The following ELP4 variants were observed in gnomAD, a reference collection of about 807,000 sequenced individuals.
ELP4 encodes elongator complex protein 4.
In ELP4, 51 loss-of-function variants were observed where a neutral mutation model predicts 48.9. The observed-to-expected ratio is 1.04, with a 90% CI of 0.83 to 1.32. ELP4 has a LOEUF of 1.32. ELP4 is among the 40% of genes most tolerant of loss of function. The probability of loss-of-function intolerance (pLI) is 0.00; values close to 1 mark genes in which losing one functional copy is unlikely to be tolerated. For synonymous variants in ELP4, 210 were observed against 189.2 expected, an observed-to-expected ratio of 1.11 and a Z score of -0.90; for missense variants, 519 against 514.6, an observed-to-expected ratio of 1.01 and a Z score of -0.08.
At chr11:31,674,971 T>C (rs1945890301) in intron 9 of ELP4, among the ~76,000 whole-genome samples, 1 of 152,180 alleles carries the variant, frequency 6.6e-6, no homozygotes, top group Non-Finnish European at 1.5e-5. Flanking sequence ...TTGTAAAGTG[T>C]GCGCATGTTT....
intron 9 of ELP4, among the ~76,000 whole-genome samples, chr11:31,731,567 G>GGGGTGTGTGTGT (rs1554974418): frequency 7.0e-6 from 1 of 142,760 alleles, no homozygotes; most frequent in African/African-American, 2.7e-5. Context: ...CCATTAAGCA[G>GGGGTGTGTGTGT]GTGTGTGTGT....
intron 5 of ELP4, among the ~76,000 whole-genome samples, chr11:31,614,688 G>A (rs1958043214): frequency 6.6e-6 from 1 of 152,056 alleles, no homozygotes; most frequent in Non-Finnish European, 1.5e-5. Flanking sequence ...TGTATCACCA[G>A]ATAATACGCA....
chr11:31,566,223 C>T (rs1453925138), intron 3 of ELP4, among the ~76,000 whole-genome samples: 1 of 151,956 alleles, frequency 6.6e-6, no homozygotes, highest in Non-Finnish European at 1.5e-5. Context: ...CTGAGTGTGG[C>T]AGTATGCACC....
intron 9 of ELP4, among the ~76,000 whole-genome samples, chr11:31,774,848 C>T (rs773829244): frequency 6.6e-5 from 10 of 152,200 alleles, no homozygotes; most frequent in Admixed American, 3.3e-4. Context: ...TCCAAAAACA[C>T]GGTGGCTTAA....
chr11:31,690,365 C>T (rs891588839), intron 9 of ELP4, among the ~76,000 whole-genome samples: 2 of 152,058 alleles, frequency 1.3e-5, no homozygotes, highest in East Asian at 1.9e-4. Context: ...AGAGGGAGCA[C>T]GCACAGTGCA....
intron 3 of ELP4, among the ~76,000 whole-genome samples, chr11:31,572,832 C>G (rs1271057600): frequency 6.6e-6 from 1 of 151,956 alleles, no homozygotes; most frequent in Non-Finnish European, 1.5e-5. Flanking sequence ...AAGACACCAT[C>G]TCTACAAAAA....
intron 4 of ELP4, chr11:31,599,519 ACAC>A (rs1219152152): frequency 7.9e-5 from 1 of 12,738 alleles, no homozygotes; most frequent in African/African-American, 1.1e-4. Context: ...ACACACACAC[ACAC>A]AAAAAAAAAA....
intron 9 of ELP4, among the ~76,000 whole-genome samples, chr11:31,752,793 C>T (rs1033068363): frequency 2.0e-5 from 3 of 148,252 alleles, no homozygotes; most frequent in African/African-American, 7.5e-5. Flanking sequence ...GGGATCGCGC[C>T]ACTGAACTCC....
At chr11:31,543,971 C>T (rs1956641847) in intron 3 of ELP4, among the ~76,000 whole-genome samples, 1 of 152,146 alleles carries the variant, frequency 6.6e-6, no homozygotes, top group South Asian at 2.1e-4. Flanking sequence ...TAAAGTTTTT[C>T]ACAAAAAAAT....
At chr11:31,762,899 C>G (rs539227348) in intron 9 of ELP4, among the ~76,000 whole-genome samples, 1 of 151,392 alleles carries the variant, frequency 6.6e-6, no homozygotes, top group East Asian at 1.9e-4. Flanking sequence ...CAACCTGATA[C>G]AGATTTTATA....
intron 9 of ELP4, among the ~76,000 whole-genome samples, chr11:31,666,368 T>C (rs942418818): frequency 5.9e-5 from 9 of 152,054 alleles, no homozygotes; most frequent in African/African-American, 1.9e-4. Flanking sequence ...CTGAACACTA[T>C]AGCGGAAAAC....
At chr11:31,523,039 A>G (rs1272192763) in intron 2 of ELP4, among the ~76,000 whole-genome samples, 1 of 145,328 alleles carries the variant, frequency 6.9e-6, no homozygotes, top group Non-Finnish European at 1.5e-5. Context: ...TTATTTATTA[A>G]TTTTTTTTTT....
chr11:31,576,771 C>A (rs1366523261), intron 3 of ELP4, among the ~76,000 whole-genome samples: 1 of 152,152 alleles, frequency 6.6e-6, no homozygotes, highest in Non-Finnish European at 1.5e-5. Flanking sequence ...ATACCAGAAT[C>A]TCTGGGACAC....
At chr11:31,666,482 A>G (rs192982060) in intron 9 of ELP4, among the ~76,000 whole-genome samples, 3,070 of 152,194 alleles carry the variant, frequency 0.02, 48 homozygotes, top group South Asian at 0.042. Context: ...TCATGAGGTC[A>G]GGAGATCGAG....
chr11:31,628,867 A>G (rs867289259), intron 6 of ELP4, among the ~76,000 whole-genome samples: 1 of 152,154 alleles, frequency 6.6e-6, no homozygotes, highest in Non-Finnish European at 1.5e-5. Context: ...GATGAGTTCT[A>G]GAAGCCAGAG....
chr11:31,547,026 G>C (rs1956738776), intron 3 of ELP4, among the ~76,000 whole-genome samples: 1 of 152,010 alleles, frequency 6.6e-6, no homozygotes, highest in Non-Finnish European at 1.5e-5. Context: ...GCCCACAAGA[G>C]AAAGCAGGAA....
intron 3 of ELP4, among the ~76,000 whole-genome samples, chr11:31,547,300 G>A (rs1956747645): frequency 6.6e-6 from 1 of 151,648 alleles, no homozygotes; most frequent in Non-Finnish European, 1.5e-5. Flanking sequence ...ATGATAAAGG[G>A]GATATCACCA....
intron 9 of ELP4, among the ~76,000 whole-genome samples, chr11:31,678,732 G>C (rs1029650100): frequency 6.6e-6 from 1 of 152,214 alleles, no homozygotes; most frequent in South Asian, 2.1e-4. Context: ...CCGTGTGCAG[G>C]TTTTTATGTG....
intron 3 of ELP4, among the ~76,000 whole-genome samples, chr11:31,586,814 G>T (rs1458384975): frequency 6.6e-6 from 1 of 151,906 alleles, no homozygotes; most frequent in Non-Finnish European, 1.5e-5. Flanking sequence ...GGCTAATTTT[G>T]TATTTTTAGT....
Sources: allele counts gnomAD v4.1 joint callset (sites outside exome capture counted in the v4.1 genomes callset), GRCh38; gene constraint gnomAD v4.1.1; transcripts MANE v1.5; gene names NCBI Gene and HGNC (gene_info 2026-07-23, HGNC 2026-07-21).